AP1M1: variants seen among roughly 807,000 people sequenced by gnomAD.
AP1M1 encodes the protein AP-1 complex subunit mu-1.
A neutral mutation model predicts 57.1 loss-of-function variants in AP1M1; 18 were observed. That is an observed-to-expected ratio of 0.32 (90% CI 0.22 to 0.47). The LOEUF is 0.47. Among genes scored for constraint, AP1M1 ranks in the 20% least tolerant of loss-of-function variants. AP1M1 has a pLI of 1.00. For synonymous variants in AP1M1, 241 were observed against 237.9 expected (o/e 1.01, Z -0.12); for missense variants, 362 against 593.5 (o/e 0.61, Z 4.05).
chr19:16,231,272 A>G (rs1174255318), intron 9 of AP1M1, among the ~76,000 whole-genome samples: 1 of 138,992 alleles, frequency 7.2e-6, no homozygotes, highest in Non-Finnish European at 1.5e-5. Flanking sequence ...TGGGCAACAG[A>G]GCAAGACTCT....
intron 10 of AP1M1, 56 bp from the exon 11 acceptor site, chr19:16,234,143 G>C (rs1208776339): frequency 1.3e-6 from 2 of 1,544,830 alleles, no homozygotes; most frequent in East Asian, 4.5e-5. Flanking sequence ...AAGATTAAGG[G>C]GGGACCAACA....
chr19:16,207,885 C>A lies in AP1M1; in HGVS notation c.268-134C>A. The A allele has an allele frequency of 8.2e-7, 1 of 1,214,218 alleles. No homozygotes were observed. The highest frequency in any genetic ancestry group is 1.1e-6 in the Non-Finnish European group (1 of 870,212). The allele number at this position is 1,214,218 out of a possible 1,614,324, so 75.2% of individuals were successfully genotyped here. On this transcript the variant is annotated intron_variant, in intron 3 of 11. Transcript: ENST00000291439. This position sits in a 1 kb window ranked among gnomAD's most constrained non-coding sequence, Gnocchi z 4.2. ...AACCTGGGTCCAGGGCCCTGTAGCA[C>A]ACCACCGAGCCTGGGAAGTAGGCTG...
At chr19:16,212,468 G>C (rs1721375915) in intron 5 of AP1M1, among the ~76,000 whole-genome samples, 1 of 152,124 alleles carries the variant, frequency 6.6e-6, no homozygotes, top group African/African-American at 2.4e-5. Flanking sequence ...ATTTCTAATT[G>C]TGTTTATTTG....
At position 16,228,815 on chromosome 19, in the gene AP1M1, A is replaced by G; in HGVS notation, c.934A>G (p.Ile312Val). 3 of 1,614,132 alleles carry G rather than the reference A, an allele frequency of 1.9e-6. No individual in the cohort carries two copies. Among genetic ancestry groups the G allele is most frequent in the East Asian group, 4.5e-5 (2 of 44,864 alleles). Residue 312 changes from isoleucine to valine, a missense_variant, in exon 9 of 12, where the codon ATC (isoleucine) becomes GTC (valine). This residue lies in a region of AP1M1 where 337 missense variants were observed against 511.1 expected (regional missense o/e 0.66). Transcript: ENST00000291439. This position sits in a 1 kb window ranked among gnomAD's most constrained non-coding sequence, Gnocchi z 5.0. The part of the protein sequence containing the change: ...KRRSTANNVE[I>V]HIPVPNDADS... ...GCGGTCAACAGCCAACAACGTGGAGATCCACATTCCCGTGCCCAATGATGC... is the reference window on the plus strand; with the variant it reads ...GCGGTCAACAGCCAACAACGTGGAGGTCCACATTCCCGTGCCCAATGATGC...
chr19:16,221,084 A>G (rs939921704), intron 5 of AP1M1, among the ~76,000 whole-genome samples: 7 of 152,320 alleles, frequency 4.6e-5, no homozygotes, highest in African/African-American at 1.7e-4. Flanking sequence ...CAAATTGGGA[A>G]GTTATCAATC....
rs897874884 is a variant in AP1M1 at position 16,223,230 on chromosome 19, G to C, written c.547-3191G>C. 8.5e-5 allele frequency among the ~76,000 whole-genome samples: 13 copies of C among 152,332 alleles called. No individual in the cohort carries two copies. In the East Asian group the frequency reaches 2.1e-3, roughly 25 times the overall value. ...AAGCCCCCGTGCCATTTCCTGGTCA[G>C]ATCTCCTGGGCGTGCACTGCCCAGT... On this transcript the variant is annotated intron_variant, in intron 5 of 11. Transcript: ENST00000291439.
chr19:16,211,353 C>G (rs1448411898), intron 5 of AP1M1, among the ~76,000 whole-genome samples: 1 of 152,102 alleles, frequency 6.6e-6, no homozygotes, highest in Non-Finnish European at 1.5e-5. Context: ...CTCGGCCTCC[C>G]TAAGTGTTGG....
intron 1 of AP1M1, 95 bp downstream of exon 1, chr19:16,198,163 G>C: frequency 7.0e-7 from 1 of 1,422,910 alleles, no homozygotes; most frequent in Non-Finnish European, 9.7e-7. Context: ...CGGCTTATGA[G>C]CCCCATCCTG....
In AP1M1 at chr19:16,197,953, C is replaced by A; in HGVS notation, c.-74C>A. The stretch of plus-strand genomic sequence containing the variant: ...GTCGCGGGCGGCGCCCGGCCTTGCT[C>A]AACGCCCAGCAGTCCCCACCGTCGC... On this transcript the variant is annotated 5_prime_UTR_variant, in exon 1 of 12. Coordinates refer to ENST00000291439, the MANE Select transcript of AP1M1 (RefSeq NM_032493.4). The A allele has an allele frequency of 7.1e-7, 1 of 1,403,042 alleles. No homozygotes were observed. The highest frequency in any genetic ancestry group is 9.6e-7 in the Non-Finnish European group (1 of 1,046,634). 86.9% of individuals were successfully genotyped at this position (1,403,042 alleles called of 1,614,324 possible). A position where few individuals can be genotyped will look rare whatever the true frequency, so the allele number is the denominator to read the frequency against.
chr19:16,228,868 GGGGAGCGTTAAGT>G lies in AP1M1; in HGVS notation c.991_1003del (p.Val332ProfsTer20). 6.2e-7 allele frequency: 1 copy of G among 1,614,196 alleles called. No individual in the cohort carries two copies. The highest frequency in any genetic ancestry group is 8.5e-7 in the Non-Finnish European group (1 of 1,180,032). ...ACTCACCCAAGTTCAAGACGACGGT[GGGGAGCGTTAAGT>G]GGGTCCCCGAGAACAGCGAGATCGT... On this transcript the variant is annotated frameshift_variant, in exon 9 of 12. Coordinates refer to ENST00000291439, the MANE Select transcript of AP1M1 (RefSeq NM_032493.4). LOFTEE classifies it high-confidence loss of function. This position sits in a 1 kb window ranked among gnomAD's most constrained non-coding sequence, Gnocchi z 5.0.
intron 5 of AP1M1, among the ~76,000 whole-genome samples, chr19:16,213,732 A>T (rs1399278233): frequency 6.6e-6 from 1 of 152,048 alleles, no homozygotes; most frequent in African/African-American, 2.4e-5. Context: ...ACCTCAAGTG[A>T]TCCACTCGCC....
intron 5 of AP1M1, among the ~76,000 whole-genome samples, chr19:16,218,732 G>T (rs1316966734): frequency 6.6e-6 from 1 of 152,126 alleles, no homozygotes; most frequent in East Asian, 1.9e-4. Context: ...TTCAAATTAG[G>T]GTTCTCACAA....
chr19:16,235,849 T>C lies in AP1M1; in HGVS notation c.*1414T>C, dbSNP rs1160149677. The C allele has an allele frequency of 6.6e-6, 1 of 152,378 alleles. No homozygotes were observed. Among genetic ancestry groups the C allele is most frequent in the Non-Finnish European group, 1.5e-5 (1 of 68,148 alleles). The allele number at this position is 152,378 out of a possible 1,614,324, so 9.4% of individuals were successfully genotyped here. ...CATATGCAGGAAGTGCTGCCTGCTC[T>C]TGGCCCCCTCCCCGACCAGTGCTGA... On this transcript the variant is annotated 3_prime_UTR_variant, in exon 12 of 12. Transcript: ENST00000291439.
intron 9 of AP1M1, among the ~76,000 whole-genome samples, chr19:16,232,084 C>T (rs1458529231): frequency 6.6e-6 from 1 of 152,236 alleles, no homozygotes; most frequent in Non-Finnish European, 1.5e-5. Context: ...TTACTTCATG[C>T]GTGGGTACCT....
At chr19:16,200,315 G>T (rs1370211567) in intron 1 of AP1M1, among the ~76,000 whole-genome samples, 4 of 152,172 alleles carry the variant, frequency 2.6e-5, no homozygotes, top group Non-Finnish European at 5.9e-5. Flanking sequence ...GGTTTGGAAG[G>T]CACGATCATG....
In AP1M1 at chr19:16,226,003, C is replaced by T. The variant is rs372469219; in HGVS notation, c.547-418C>T. Among the ~76,000 whole-genome samples the T allele has an allele frequency of 1.1e-4, 17 of 152,308 alleles. No individual in the cohort carries two copies. In the East Asian group the frequency reaches 2.9e-3, roughly 26 times the overall value. On this transcript the variant is annotated intron_variant, in intron 5 of 11. Transcript: ENST00000291439. ...AGCTCATGGACTCTCAAAGCTGACT[C>T]AGCGTGGGGACCAGCTGCCGGGCCG...
intron 5 of AP1M1, among the ~76,000 whole-genome samples, chr19:16,210,141 G>A (rs2091487539): frequency 6.6e-6 from 1 of 152,158 alleles, no homozygotes; most frequent in African/African-American, 2.4e-5. Context: ...TCTCGAGTCT[G>A]GCTGCTTTAA....
rs2091468452 is a variant in AP1M1, at chr19:16,206,125, C to G, written c.200-216C>G. ...GATTCTCCATCTCAGTGAGTGCTCC[C>G]TGGGGCCTGGGAGCGCATCTGGCTG... On this transcript the variant is annotated intron_variant, in intron 2 of 11. Transcript: ENST00000291439. The surrounding 1 kb of genome is among the most constrained non-coding windows in gnomAD (Gnocchi z 4.3). 6.6e-6 allele frequency among the ~76,000 whole-genome samples: 1 copy of G among 152,176 alleles called. No individual in the cohort carries two copies. Among genetic ancestry groups the G allele is most frequent in the Non-Finnish European group, 1.5e-5 (1 of 68,030 alleles).
At chr19:16,233,174 TA>T (rs915697163) in intron 9 of AP1M1, among the ~76,000 whole-genome samples, 53 of 152,176 alleles carry the variant, frequency 3.5e-4, no homozygotes, top group Admixed American at 1.7e-3. Flanking sequence ...GAAAGTGCAT[TA>T]GGGGAGCTGG....
Sources: allele counts gnomAD v4.1 joint callset (sites outside exome capture counted in the v4.1 genomes callset), GRCh38; gene constraint gnomAD v4.1.1; regional missense constraint gnomAD v4.1.1; non-coding constraint Gnocchi (gnomAD v3.1); transcripts MANE v1.5; gene names NCBI Gene and HGNC (gene_info 2026-07-23, HGNC 2026-07-21).